NCOA1: variants seen among roughly 807,000 people sequenced by gnomAD.
NCOA1 encodes the protein nuclear receptor coactivator 1, also known as Hin-2 protein.
Under a neutral mutation model 150.9 loss-of-function variants are expected in NCOA1, and 35 were observed. The observed-to-expected ratio is 0.23, with a 90% CI of 0.18 to 0.31. The LOEUF is 0.31. Ranked by LOEUF, NCOA1 falls within the 10% of genes least tolerant of loss-of-function variation. NCOA1 has a pLI of 1.00. For missense variants in NCOA1, 1,491 were observed against 1,749.3 expected, an observed-to-expected ratio of 0.85 and a Z score of 2.63; for synonymous variants, 590 against 630.0, an observed-to-expected ratio of 0.94 and a Z score of 0.95.
At chr2:24,578,897 T>C (rs564628322) in intron 2 of NCOA1, among the ~76,000 whole-genome samples, 3 of 152,312 alleles carry the variant, frequency 2.0e-5, no homozygotes, top group African/African-American at 4.8e-5. Flanking sequence ...AATTTTGATA[T>C]ATTATGCAAA....
chr2:24,727,008 C>T (rs532444228), intron 15 of NCOA1, among the ~76,000 whole-genome samples: 98 of 151,400 alleles, frequency 6.5e-4, no homozygotes, highest in Non-Finnish European at 1.1e-3. Context: ...CGTGGTGGTG[C>T]GCAGCTGTAA....
At position 24,591,908 on chromosome 2, in the gene NCOA1, A is replaced by AT. The variant is rs1667673505; in HGVS notation, c.-175+7348_-175+7349insT. Among the ~76,000 whole-genome samples, 7 of 152,306 alleles carry AT rather than the reference A, an allele frequency of 4.6e-5. No homozygotes were observed. In the South Asian group the frequency reaches 1.5e-3, roughly 32 times the overall value. On this transcript the variant is annotated intron_variant, in intron 3 of 22. Transcript: ENST00000348332. The stretch of plus-strand genomic sequence containing the variant: ...TTGATCTCTTTAAAAATTAAAAAAA[A>AT]GTTTTCTTGAAATCCCAGTAAATAC...
chr2:24,528,535 A>G (rs766430015), intron 1 of NCOA1, among the ~76,000 whole-genome samples: 3 of 151,674 alleles, frequency 2.0e-5, no homozygotes, highest in African/African-American at 7.3e-5. Context: ...TTTTGTAGAG[A>G]TGGGGTTTCA....
intron 22 of NCOA1, among the ~76,000 whole-genome samples, chr2:24,766,588 C>A (rs1215007756): frequency 7.1e-6 from 1 of 140,462 alleles, no homozygotes; most frequent in Non-Finnish European, 1.5e-5. Flanking sequence ...TAGTAGGGAA[C>A]TGGGATGGGA....
chr2:24,750,122 T>C (rs1447869435), intron 19 of NCOA1, among the ~76,000 whole-genome samples: 2 of 151,688 alleles, frequency 1.3e-5, no homozygotes, highest in East Asian at 1.9e-4. Flanking sequence ...CTTAAAGATA[T>C]AACAATGGAA....
At chr2:24,765,896 C>CTTTTTTTTTTT (rs773857143) in intron 22 of NCOA1, among the ~76,000 whole-genome samples, 1,713 of 127,732 alleles carry the variant, frequency 0.013, 32 homozygotes, top group East Asian at 0.034. Flanking sequence ...CAATAATACA[C>CTTTTTTTTTTT]TTTTTTTTTT....
At chr2:24,492,096 C>A (rs1040738694) in intron 1 of NCOA1, 1 of 152,160 alleles carries the variant, frequency 6.6e-6, no homozygotes, top group Non-Finnish European at 1.5e-5. Flanking sequence ...GGGGCGACCG[C>A]GGCGTCCCTC....
At position 24,664,887 on chromosome 2, in the gene NCOA1, A is replaced by T. The variant is rs188143089; in HGVS notation, c.90-862A>T. ...CTACTTGTGACCACTTCTTCCTATT[A>T]TATTAGTTTGATGAAAACAAAATTT... On this transcript the variant is annotated intron_variant, in intron 5 of 22. Transcript: ENST00000348332. Among the ~76,000 whole-genome samples, 172 of 152,270 alleles carry T rather than the reference A, an allele frequency of 1.1e-3. 1 individual carries two copies. The highest frequency in any genetic ancestry group is 3.8e-3 in the African/African-American group (158 of 41,562).
intron 22 of NCOA1, among the ~76,000 whole-genome samples, chr2:24,766,802 A>T (rs934069450): frequency 4.6e-5 from 7 of 152,114 alleles, no homozygotes; most frequent in African/African-American, 1.7e-4. Context: ...ACAGACCACA[A>T]AGGCGGGGCA....
intron 3 of NCOA1, among the ~76,000 whole-genome samples, chr2:24,587,916 T>C (rs1052192205): frequency 5.9e-5 from 9 of 152,206 alleles, no homozygotes; most frequent in African/African-American, 1.9e-4. Flanking sequence ...CTTTTGATGC[T>C]GATAGTTGAA....
At chr2:24,588,474 C>T (rs1004980191) in intron 3 of NCOA1, among the ~76,000 whole-genome samples, 9 of 152,170 alleles carry the variant, frequency 5.9e-5, no homozygotes, top group Non-Finnish European at 1.0e-4. Flanking sequence ...AGGGAGAGTT[C>T]TGATTAGTTC....
At chr2:24,645,474 C>T (rs530683468) in intron 4 of NCOA1, among the ~76,000 whole-genome samples, 2 of 145,660 alleles carry the variant, frequency 1.4e-5, no homozygotes, top group Admixed American at 1.4e-4. Flanking sequence ...CGAGCCACTG[C>T]ACTCCAACCT....
rs909033466 is a variant in NCOA1, at chr2:24,769,443, G to T, written c.*1052G>T. On this transcript the variant is annotated 3_prime_UTR_variant, in exon 23 of 23. Coordinates refer to ENST00000348332, the MANE Select transcript of NCOA1 (RefSeq NM_003743.5). ...TTTTAATAACTGTGATGTCATGTAT[G>T]GATTTACTTTGGGGTTCAAATCAAA... 5.2e-6 allele frequency: 1 copy of T among 191,558 alleles called. No individual in the cohort carries two copies. The highest frequency in any genetic ancestry group is 1.1e-5 in the Non-Finnish European group (1 of 91,374). 11.9% of individuals were successfully genotyped at this position (191,558 alleles called of 1,614,324 possible).
intron 1 of NCOA1, among the ~76,000 whole-genome samples, chr2:24,558,940 A>G (rs12618384): frequency 0.52 from 78,187 of 151,664 alleles, 21,657 homozygotes; most frequent in Admixed American, 0.67. Context: ...CCTGTTCCTT[A>G]GTCTGAGCAC....
intron 10 of NCOA1, among the ~76,000 whole-genome samples, chr2:24,693,741 T>A (rs1210733287): frequency 2.7e-5 from 4 of 149,350 alleles, no homozygotes; most frequent in African/African-American, 7.3e-5. Flanking sequence ...TTTTTTTTTT[T>A]AATTCTTTTT....
At chr2:24,614,199 C>CTT (rs869113477) in intron 3 of NCOA1, among the ~76,000 whole-genome samples, 5 of 9,172 alleles carry the variant, frequency 5.5e-4, no homozygotes, top group East Asian at 3.9e-3. Flanking sequence ...CATTTCCATT[C>CTT]TTTTTTTTTT....
At chr2:24,594,441 T>A (rs1667805469) in intron 3 of NCOA1, among the ~76,000 whole-genome samples, 1 of 152,138 alleles carries the variant, frequency 6.6e-6, no homozygotes, top group Non-Finnish European at 1.5e-5. Flanking sequence ...AGAAAGGTCT[T>A]TGCCTTTATT....
intron 8 of NCOA1, among the ~76,000 whole-genome samples, chr2:24,685,166 T>C (rs1187158963): frequency 6.6e-6 from 1 of 152,106 alleles, no homozygotes; most frequent in African/African-American, 2.4e-5. Flanking sequence ...TTCTTATTTT[T>C]TGATTTGTTC....
At chr2:24,674,492 C>T (rs1332745188) in intron 7 of NCOA1, among the ~76,000 whole-genome samples, 1 of 152,150 alleles carries the variant, frequency 6.6e-6, no homozygotes, top group Non-Finnish European at 1.5e-5. Context: ...AGGCGTGAGC[C>T]ACTGCGCCCG....
Sources: allele counts gnomAD v4.1 joint callset (sites outside exome capture counted in the v4.1 genomes callset), GRCh38; gene constraint gnomAD v4.1.1; transcripts MANE v1.5; gene names NCBI Gene and HGNC (gene_info 2026-07-23, HGNC 2026-07-21).